The following WWOX variants were observed in gnomAD, a reference collection of about 807,000 sequenced individuals.
WWOX encodes the protein WW domain containing oxidoreductase.
WWOX carries 69 observed loss-of-function variants against 46.2 expected under a neutral mutation model. The observed-to-expected ratio is 1.49, with a 90% CI of 1.23 to 1.82. The LOEUF is 1.82. Ranked by LOEUF, WWOX falls within the 40% of genes most tolerant of loss-of-function variation. The pLI, the probability that WWOX is intolerant of heterozygous loss-of-function variation, is 0.00. For synonymous variants in WWOX, 359 were observed against 202.6 expected, an observed-to-expected ratio of 1.77 and a Z score of -6.56; for missense variants, 919 against 542.6, an observed-to-expected ratio of 1.69 and a Z score of -6.89.
chr16:78,720,492 T>G (rs955545589), intron 8 of WWOX, among the ~76,000 whole-genome samples: 3 of 150,340 alleles, frequency 2.0e-5, no homozygotes, highest in Non-Finnish European at 4.4e-5. Flanking sequence ...TTTATGACAC[T>G]TTTCTTCTGG....
chr16:78,551,553 C>T (rs1297028714), intron 8 of WWOX: 2 of 152,134 alleles, frequency 1.3e-5, no homozygotes, highest in African/African-American at 2.4e-5. Context: ...TAGCCTAGAC[C>T]TAAAGGATTC....
chr16:78,864,912 A>G (rs1227303956), intron 8 of WWOX, among the ~76,000 whole-genome samples: 1 of 151,220 alleles, frequency 6.6e-6, no homozygotes, highest in Non-Finnish European at 1.5e-5. Flanking sequence ...ACAGGCGTGC[A>G]CCACCACACC....
At chr16:78,418,564 C>G (rs962121327) in intron 6 of WWOX, among the ~76,000 whole-genome samples, 1 of 152,116 alleles carries the variant, frequency 6.6e-6, no homozygotes, top group African/African-American at 2.4e-5. Flanking sequence ...GTACAAAATG[C>G]TAGCAAGCCA....
intron 8 of WWOX, among the ~76,000 whole-genome samples, chr16:78,977,835 A>G (rs2046603808): frequency 6.6e-6 from 1 of 152,162 alleles, no homozygotes; most frequent in Admixed American, 6.5e-5. Flanking sequence ...GCAGACACAC[A>G]TAAAAGCAAG....
chr16:79,057,117 G>C (rs2048277607), intron 8 of WWOX, among the ~76,000 whole-genome samples: 1 of 152,146 alleles, frequency 6.6e-6, no homozygotes, highest in African/African-American at 2.4e-5. Context: ...TGACTGCTTG[G>C]GGAGTGCTAG....
intron 8 of WWOX, among the ~76,000 whole-genome samples, chr16:79,138,793 G>A (rs1374036692): frequency 6.6e-6 from 1 of 152,168 alleles, no homozygotes; most frequent in African/African-American, 2.4e-5. Context: ...TGCAGTCACA[G>A]CAGAGATGCA....
intron 5 of WWOX, among the ~76,000 whole-genome samples, chr16:78,379,513 A>T (rs1299944623): frequency 2.0e-5 from 3 of 152,158 alleles, no homozygotes; most frequent in Non-Finnish European, 4.4e-5. Context: ...TGCTTCCAAC[A>T]CAGCATAACA....
At chr16:78,163,948 A>G (rs796927425) in intron 4 of WWOX, among the ~76,000 whole-genome samples, 17 of 152,182 alleles carry the variant, frequency 1.1e-4, no homozygotes, top group African/African-American at 3.9e-4. Flanking sequence ...TGCCCTGTTC[A>G]TGGTAAGATG....
At chr16:78,556,041 C>T (rs755825879) in intron 8 of WWOX, among the ~76,000 whole-genome samples, 2 of 151,916 alleles carry the variant, frequency 1.3e-5, no homozygotes, top group South Asian at 2.1e-4. Context: ...CAGCCAGGCC[C>T]GGGCTATTAA....
At chr16:78,299,225 TGC>T (rs1026094909) in intron 5 of WWOX, among the ~76,000 whole-genome samples, 2 of 152,032 alleles carry the variant, frequency 1.3e-5, no homozygotes, top group Non-Finnish European at 2.9e-5. Context: ...ACTCAGTGGG[TGC>T]CGTAACATGT....
intron 8 of WWOX, among the ~76,000 whole-genome samples, chr16:78,847,661 C>G (rs1246075536): frequency 6.6e-6 from 1 of 151,326 alleles, no homozygotes; most frequent in African/African-American, 2.4e-5. Flanking sequence ...TCTGAGCTTT[C>G]TTTGGGATGT....
chr16:79,153,633 C>G (rs183571719), intron 8 of WWOX, among the ~76,000 whole-genome samples: 1 of 152,142 alleles, frequency 6.6e-6, no homozygotes, highest in Non-Finnish European at 1.5e-5. Flanking sequence ...ATTTTGTGGT[C>G]ACCATATTAA....
Position 78,110,295 on chromosome 16 carries a change from G to A in WWOX, c.230+460G>A, listed in dbSNP as rs1437941875. ...GCGGAAGTTGCAGTGAGCTGAGATCGCGCCACTGCACTCCAGCCTGGGTGA... is the reference window on the plus strand; with the variant it reads ...GCGGAAGTTGCAGTGAGCTGAGATCACGCCACTGCACTCCAGCCTGGGTGA... On this transcript the variant is annotated intron_variant, in intron 3 of 8. Coordinates refer to ENST00000566780, the MANE Select transcript of WWOX (RefSeq NM_016373.4). 2.8e-5 allele frequency among the ~76,000 whole-genome samples: 4 copies of A among 142,554 alleles called. No individual in the cohort carries two copies. The South Asian group carries it at 6.7e-4, about 24-fold the overall frequency. 93.5% of individuals were successfully genotyped at this position (142,554 alleles called of 152,430 possible). A position where few individuals can be genotyped will look rare whatever the true frequency, so the allele number is the denominator to read the frequency against.
intron 8 of WWOX, among the ~76,000 whole-genome samples, chr16:79,074,208 G>T (rs2048606405): frequency 6.6e-6 from 1 of 151,620 alleles, no homozygotes. Context: ...GAGCAAATAT[G>T]TGGAAGGAAC....
chr16:78,660,219 G>A (rs910428582), intron 8 of WWOX, among the ~76,000 whole-genome samples: 1 of 152,116 alleles, frequency 6.6e-6, no homozygotes, highest in Non-Finnish European at 1.5e-5. Context: ...CAGCAGGAGG[G>A]AGGTTATTAT....
chr16:78,968,919 GAAAAA>G (rs11285228), intron 8 of WWOX, among the ~76,000 whole-genome samples: 1 of 146,856 alleles, frequency 6.8e-6, no homozygotes, highest in African/African-American at 2.5e-5. Context: ...GTTTCTTAAA[GAAAAA>G]AAAAAAAGAC....
chr16:78,817,694 C>T (rs1157335366), intron 8 of WWOX, among the ~76,000 whole-genome samples: 1 of 152,264 alleles, frequency 6.6e-6, no homozygotes, highest in East Asian at 1.9e-4. Context: ...CAAACGGGCC[C>T]TGTCTTCGCT....
At chr16:78,834,700 C>A (rs1034710140) in intron 8 of WWOX, among the ~76,000 whole-genome samples, 1 of 151,996 alleles carries the variant, frequency 6.6e-6, no homozygotes, top group African/African-American at 2.4e-5. Flanking sequence ...TTGTATATTG[C>A]AGAGATAATT....
chr16:78,321,959 C>G (rs1484896974), intron 5 of WWOX, among the ~76,000 whole-genome samples: 1 of 152,194 alleles, frequency 6.6e-6, no homozygotes, highest in Non-Finnish European at 1.5e-5. Context: ...GCATAAGTGA[C>G]AGACCTGCAG....
Sources: allele counts gnomAD v4.1 joint callset (sites outside exome capture counted in the v4.1 genomes callset), GRCh38; gene constraint gnomAD v4.1.1; transcripts MANE v1.5; gene names NCBI Gene and HGNC (gene_info 2026-07-23, HGNC 2026-07-21).